Variants in CALD1 observed in about 807,000 individuals in gnomAD.
The protein encoded by CALD1 is caldesmon.
In CALD1, 33 loss-of-function variants were observed where a neutral mutation model predicts 99.9. The ratio of observed to expected loss-of-function variants is 0.33; its 90% CI spans 0.25 to 0.44. The LOEUF is 0.44. Ranked by LOEUF, CALD1 falls within the 20% of genes least tolerant of loss-of-function variation. CALD1 has a pLI of 1.00. For synonymous variants in CALD1, 310 were observed against 325.0 expected (o/e 0.95, Z 0.50); for missense variants, 861 against 962.1 (o/e 0.89, Z 1.39).
chr7:134,794,746 C>T (rs1004127735), intron 1 of CALD1, among the ~76,000 whole-genome samples: 5 of 152,158 alleles, frequency 3.3e-5, no homozygotes, highest in Admixed American at 3.3e-4. Flanking sequence ...CTCTGCCTCC[C>T]AAAGTACTAG....
intron 1 of CALD1, among the ~76,000 whole-genome samples, chr7:134,751,803 CTA>C (rs1449442415): frequency 6.6e-6 from 1 of 152,070 alleles, no homozygotes; most frequent in Admixed American, 6.6e-5. Context: ...TGGCGAAACC[CTA>C]TCTCTACCAA....
At chr7:134,820,177 T>C (rs1379700761) in intron 1 of CALD1, among the ~76,000 whole-genome samples, 3 of 152,220 alleles carry the variant, frequency 2.0e-5, no homozygotes, top group Admixed American at 2.0e-4. Context: ...AGTGTAATTT[T>C]CAGCCCATAA....
chr7:134,722,813 A>G, the CALD1 span, among the ~76,000 whole-genome samples: 1 of 152,094 alleles, frequency 6.6e-6, no homozygotes, highest in Non-Finnish European at 1.5e-5. Context: ...ATTTACCCAC[A>G]GTCCCTGCTG....
rs143557846 is a variant in CALD1 at position 134,929,534 on chromosome 7, G to A, written c.218+634G>A. 1.0e-3 allele frequency among the ~76,000 whole-genome samples: 152 copies of A among 147,966 alleles called. 3 individuals carry two copies. The East Asian group carries it at 0.025, about 25-fold the overall frequency. Reference sequence around the variant, plus strand: ...CTGAGTTACTTCACTTCAAATAATGGTCTCCAACTCCATCCAGGTTGCGGT... The same window carrying A: ...CTGAGTTACTTCACTTCAAATAATGATCTCCAACTCCATCCAGGTTGCGGT... On this transcript the variant is annotated intron_variant, in intron 4 of 14. Transcript: ENST00000361675.
At chr7:134,826,510 G>T (rs1474081349) in intron 1 of CALD1, among the ~76,000 whole-genome samples, 2 of 152,110 alleles carry the variant, frequency 1.3e-5, no homozygotes, top group African/African-American at 4.8e-5. Flanking sequence ...GACCCAATTT[G>T]CAGAGTTTGT....
intron 1 of CALD1, among the ~76,000 whole-genome samples, chr7:134,747,849 C>T (rs1015720284): frequency 6.6e-6 from 1 of 152,226 alleles, no homozygotes; most frequent in Non-Finnish European, 1.5e-5. Context: ...TAAGGCAATA[C>T]CCAGTGGAAC....
chr7:134,852,134 T>C (rs1056807053), intron 2 of CALD1, among the ~76,000 whole-genome samples: 4 of 152,070 alleles, frequency 2.6e-5, no homozygotes, highest in African/African-American at 9.7e-5. Flanking sequence ...ATAGTATTGA[T>C]CACCAAGAAC....
chr7:134,943,346 C>G (rs1243610583), intron 7 of CALD1, among the ~76,000 whole-genome samples: 1 of 152,142 alleles, frequency 6.6e-6, no homozygotes, highest in Non-Finnish European at 1.5e-5. Flanking sequence ...ACGATTTCCA[C>G]ATTAAGTGGC....
chr7:134,837,083 G>A (rs1376631088), intron 1 of CALD1, among the ~76,000 whole-genome samples: 1 of 143,104 alleles, frequency 7.0e-6, no homozygotes, highest in African/African-American at 2.6e-5. Context: ...GAACATACAT[G>A]TAAGCTATAT....
intron 3 of CALD1, among the ~76,000 whole-genome samples, chr7:134,885,019 G>A (rs1396329583): frequency 2.0e-5 from 3 of 151,408 alleles, no homozygotes; most frequent in Non-Finnish European, 4.4e-5. Flanking sequence ...GCTCACTGCA[G>A]CCTCCACCTC....
chr7:134,877,354 T>C (rs1801399488), intron 3 of CALD1, among the ~76,000 whole-genome samples: 1 of 152,214 alleles, frequency 6.6e-6, no homozygotes, highest in African/African-American at 2.4e-5. Context: ...TGGATATAAA[T>C]GTCTCCCTGT....
chr7:134,878,311 G>A (rs191990153), intron 3 of CALD1, among the ~76,000 whole-genome samples: 104 of 152,308 alleles, frequency 6.8e-4, no homozygotes, highest in Admixed American at 3.7e-3. Context: ...GCTCCTGCGT[G>A]TAATGTCAGC....
chr7:134,776,403 CTTAT>C (rs1796919315), upstream of CALD1, among the ~76,000 whole-genome samples: 1 of 151,970 alleles, frequency 6.6e-6, no homozygotes, highest in African/African-American at 2.4e-5. Context: ...TTCTACTTCT[CTTAT>C]TTATTTTATT....
chr7:134,755,565 T>C (rs1468071289), intron 1 of CALD1, among the ~76,000 whole-genome samples: 2 of 152,242 alleles, frequency 1.3e-5, no homozygotes, highest in African/African-American at 4.8e-5. Context: ...TTATAGATTA[T>C]GGATTTCCTT....
At chr7:134,819,186 T>C (rs929501655) in intron 1 of CALD1, among the ~76,000 whole-genome samples, 1 of 152,162 alleles carries the variant, frequency 6.6e-6, no homozygotes, top group African/African-American at 2.4e-5. Flanking sequence ...TGCTAGAACA[T>C]GAATGACAGT....
chr7:134,959,335 C>T (rs749258868), intron 11 of CALD1, among the ~76,000 whole-genome samples: 4 of 151,948 alleles, frequency 2.6e-5, no homozygotes, highest in Non-Finnish European at 4.4e-5. Context: ...CGACTGTATC[C>T]CCAGAGCCTA....
intron 3 of CALD1, among the ~76,000 whole-genome samples, chr7:134,893,477 G>T (rs1228107579): frequency 6.6e-6 from 1 of 152,142 alleles, no homozygotes; most frequent in African/African-American, 2.4e-5. Flanking sequence ...ATGCACACAG[G>T]GATGTCGAGA....
At chr7:134,754,213 C>A (rs767656523) in intron 1 of CALD1, among the ~76,000 whole-genome samples, 3 of 151,892 alleles carry the variant, frequency 2.0e-5, no homozygotes, top group Non-Finnish European at 4.4e-5. Context: ...TGTGCTGGGG[C>A]CTGAGATGTG....
intron 3 of CALD1, among the ~76,000 whole-genome samples, chr7:134,911,479 A>C (rs1803808252): frequency 6.7e-6 from 1 of 150,140 alleles, no homozygotes; most frequent in Non-Finnish European, 1.5e-5. Flanking sequence ...AACTTTAAAC[A>C]CCATTTTTGC....
Sources: gnomAD v4.1 joint callset for allele counts (sites outside exome capture counted in the v4.1 genomes callset) on GRCh38, gnomAD v4.1.1 for gene constraint, MANE v1.5 for transcripts, NCBI Gene and HGNC (gene_info 2026-07-23, HGNC 2026-07-21) for gene names.